Variants in MOXD1 observed in about 807,000 individuals in gnomAD.
The protein encoded by MOXD1 is monooxygenase DBH like 1, also known as DBH-like monooxygenase protein 1.
In MOXD1, 62 loss-of-function variants were observed where a neutral mutation model predicts 66.6. That is an observed-to-expected ratio of 0.93 (90% CI 0.76 to 1.15). MOXD1 has a LOEUF of 1.15. MOXD1 is among the 50% of genes most tolerant of loss of function. The pLI is 0.00. For synonymous variants in MOXD1, 303 were observed against 281.9 expected, an observed-to-expected ratio of 1.07 and a Z score of -0.75; for missense variants, 847 against 754.6, an observed-to-expected ratio of 1.12 and a Z score of -1.44.
intron 8 of MOXD1, among the ~76,000 whole-genome samples, chr6:132,322,083 C>T (rs1775088232): frequency 6.6e-6 from 1 of 152,130 alleles, no homozygotes; most frequent in Non-Finnish European, 1.5e-5. Flanking sequence ...AATTATACTA[C>T]AAGTGAGCTT....
At chr6:132,344,187 C>T (rs1437401536) in intron 4 of MOXD1, among the ~76,000 whole-genome samples, 1 of 152,182 alleles carries the variant, frequency 6.6e-6, no homozygotes, top group Non-Finnish European at 1.5e-5. Context: ...TGAGTTTTTA[C>T]AGTAAGCAAA....
chr6:132,390,643 G>A (rs1278111069), intron 1 of MOXD1: 1 of 151,526 alleles, frequency 6.6e-6, no homozygotes, highest in African/African-American at 2.4e-5. Flanking sequence ...AACATTCTGA[G>A]TACTTTCCTG....
rs575834021 is a variant in MOXD1, at chr6:132,381,250, G to C, written c.265-6473C>G. Among the ~76,000 whole-genome samples the C allele has an allele frequency of 4.6e-5, 7 of 152,282 alleles. No homozygotes were observed. The South Asian group carries it at 1.4e-3, about 32-fold the overall frequency. The stretch of plus-strand genomic sequence containing the variant: ...GATAAAACACAAGAACCTATCATCT[G>C]ATATTCACAGCTTTGTGGTATAGAA... On this transcript the variant is annotated intron_variant, in intron 1 of 11. Coordinates refer to ENST00000367963, the MANE Select transcript of MOXD1 (RefSeq NM_015529.4).
chr6:132,324,534 A>C (rs1212065289), intron 6 of MOXD1, among the ~76,000 whole-genome samples: 1 of 152,212 alleles, frequency 6.6e-6, no homozygotes, highest in East Asian at 1.9e-4. Context: ...TTAGTTTAGA[A>C]ACCATCTGCT....
chr6:132,338,635 A>G (rs1775488043), intron 4 of MOXD1, among the ~76,000 whole-genome samples: 1 of 152,192 alleles, frequency 6.6e-6, no homozygotes, highest in Non-Finnish European at 1.5e-5. Flanking sequence ...TAGTAAATCA[A>G]TTGCACATAA....
chr6:132,350,673 A>G (rs1775783917), intron 4 of MOXD1, among the ~76,000 whole-genome samples: 1 of 152,094 alleles, frequency 6.6e-6, no homozygotes, highest in South Asian at 2.1e-4. Flanking sequence ...TGATGGTGGT[A>G]TTTTGACGGG....
At chr6:132,350,739 A>G (rs1469606020) in intron 4 of MOXD1, among the ~76,000 whole-genome samples, 5 of 152,158 alleles carry the variant, frequency 3.3e-5, no homozygotes, top group Non-Finnish European at 5.9e-5. Context: ...CACAATATTG[A>G]TTCTACCCAT....
intron 4 of MOXD1, among the ~76,000 whole-genome samples, chr6:132,343,523 C>T (rs766210050): frequency 3.3e-5 from 5 of 151,558 alleles, no homozygotes; most frequent in East Asian, 1.9e-4. Context: ...TGCAGTGAGC[C>T]GAAATTGCAC....
At chr6:132,366,594 A>G (rs1274639710) in intron 4 of MOXD1, among the ~76,000 whole-genome samples, 1 of 152,162 alleles carries the variant, frequency 6.6e-6, no homozygotes, top group Non-Finnish European at 1.5e-5. Context: ...TCTGACAGCC[A>G]TAAAAGCATG....
intron 4 of MOXD1, among the ~76,000 whole-genome samples, chr6:132,369,623 C>T (rs922175769): frequency 6.6e-6 from 1 of 151,998 alleles, no homozygotes; most frequent in Non-Finnish European, 1.5e-5. Flanking sequence ...GACTTCAACA[C>T]AAGAACTCTG....
At chr6:132,329,540 CT>C (rs541726980) in intron 4 of MOXD1, among the ~76,000 whole-genome samples, 31 of 152,174 alleles carry the variant, frequency 2.0e-4, no homozygotes, top group Non-Finnish European at 2.4e-4. Flanking sequence ...AAAATGTTAT[CT>C]TTACCCATCC....
chr6:132,303,304 G>A (rs1001619833), intron 10 of MOXD1, among the ~76,000 whole-genome samples: 2 of 152,028 alleles, frequency 1.3e-5, no homozygotes, highest in African/African-American at 2.4e-5. Context: ...TTACAACTCA[G>A]TAATAAGAAA....
At position 132,296,056 on chromosome 6, in the gene MOXD1, G is replaced by A. The variant is rs1431504880; in HGVS notation, c.*1097C>T. 6.6e-6 allele frequency: 1 copy of A among 152,086 alleles called. No individual in the cohort carries two copies. Among genetic ancestry groups the A allele is most frequent in the African/African-American group, 2.4e-5 (1 of 41,406 alleles). The allele number at this position is 152,086 out of a possible 1,614,324, so 9.4% of individuals were successfully genotyped here. A position where few individuals can be genotyped will look rare whatever the true frequency, so the allele number is the denominator to read the frequency against. ...AATGTATAAAATACCACACAAAAGT[G>A]TAATTTCATTTAGTTTATTAATATG... is the stretch of plus-strand genomic sequence containing the variant. On this transcript the variant is annotated 3_prime_UTR_variant, in exon 12 of 12. Transcript: ENST00000367963.
intron 1 of MOXD1, among the ~76,000 whole-genome samples, chr6:132,388,408 C>T (rs1030540757): frequency 2.6e-5 from 4 of 151,422 alleles, no homozygotes; most frequent in Middle Eastern, 3.2e-3. Flanking sequence ...TGCTCTTTAC[C>T]GCTCAGCAGA....
chr6:132,355,740 A>G (rs1435302297), intron 4 of MOXD1, among the ~76,000 whole-genome samples: 1 of 152,222 alleles, frequency 6.6e-6, no homozygotes, highest in Non-Finnish European at 1.5e-5. Flanking sequence ...TTTGTAGCCC[A>G]GCTACAAACA....
chr6:132,303,869 AT>A (rs1562276515), intron 10 of MOXD1, among the ~76,000 whole-genome samples: 1,001 of 61,344 alleles, frequency 0.016, 19 homozygotes, highest in African/African-American at 0.047. Context: ...ATATATATAT[AT>A]ATATATATAC....
intron 1 of MOXD1, among the ~76,000 whole-genome samples, chr6:132,397,164 A>G (rs1776901382): frequency 6.6e-6 from 1 of 152,228 alleles, no homozygotes; most frequent in South Asian, 2.1e-4. Flanking sequence ...AAGAGCCAAC[A>G]TCAACTGCCA....
At chr6:132,316,912 A>C (rs1021484395) in intron 9 of MOXD1, among the ~76,000 whole-genome samples, 1 of 152,070 alleles carries the variant, frequency 6.6e-6, no homozygotes, top group Non-Finnish European at 1.5e-5. Context: ...TTAATGAAAA[A>C]CATTAACTTA....
rs1775792014 is a variant in MOXD1, at chr6:132,351,143, G to A, written c.663+21465C>T. On this transcript the variant is annotated intron_variant, in intron 4 of 11. Coordinates refer to ENST00000367963, the MANE Select transcript of MOXD1 (RefSeq NM_015529.4). Reference sequence around the variant, plus strand: ...TGGATGCCCTTTATTTCTTTCTCTTGTCTGATTGCTCTGGCTAGGACTTCC... The same window carrying A: ...TGGATGCCCTTTATTTCTTTCTCTTATCTGATTGCTCTGGCTAGGACTTCC... Among the ~76,000 whole-genome samples the A allele has an allele frequency of 2.6e-5, 4 of 152,172 alleles. No homozygotes were observed. The South Asian group carries it at 8.3e-4, about 32-fold the overall frequency.
Sources: allele counts gnomAD v4.1 joint callset (sites outside exome capture counted in the v4.1 genomes callset), GRCh38; gene constraint gnomAD v4.1.1; transcripts MANE v1.5; gene names NCBI Gene and HGNC (gene_info 2026-07-23, HGNC 2026-07-21).